Variants in MGST1 observed in about 807,000 individuals in gnomAD.
MGST1 encodes microsomal glutathione S-transferase 1.
MGST1 carries 5 observed loss-of-function variants against 8.9 expected under a neutral mutation model. The ratio of observed to expected loss-of-function variants is 0.56; its 90% CI spans 0.29 to 1.19. The LOEUF is 1.19. Ranked by LOEUF, MGST1 falls within the 50% of genes most tolerant of loss-of-function variation. The probability of loss-of-function intolerance (pLI) is 0.08; values close to 1 mark genes in which losing one functional copy is unlikely to be tolerated. For synonymous variants in MGST1, 54 were observed against 67.8 expected (o/e 0.80, Z 1.00); for missense variants, 182 against 187.4 (o/e 0.97, Z 0.17).
At chr12:16,551,602 T>C (rs1476464128) in intron 4 of MGST1, among the ~76,000 whole-genome samples, 1 of 151,808 alleles carries the variant, frequency 6.6e-6, no homozygotes, top group African/African-American at 2.4e-5. Context: ...GCTTTTTTTT[T>C]TTTTAAACCA....
At chr12:16,561,399 T>C (rs1372540326) in intron 4 of MGST1, among the ~76,000 whole-genome samples, 1 of 152,100 alleles carries the variant, frequency 6.6e-6, no homozygotes, top group Non-Finnish European at 1.5e-5. Context: ...AATGCACTTT[T>C]TTACTAGGAA....
chr12:16,402,422 G>A (rs922371153), intron 1 of MGST1: 16 of 1,603,782 alleles, frequency 1.0e-5, no homozygotes, highest in East Asian at 2.2e-5. Flanking sequence ...CACAGCCATA[G>A]CCCTGGACGC....
rs1402549408 is a variant in MGST1, at chr12:16,413,337, C to T, written n.779-24051C>T. Among the ~76,000 whole-genome samples, 1 of 152,214 alleles carries T rather than the reference C, an allele frequency of 6.6e-6. No individual in the cohort carries two copies. Among genetic ancestry groups the T allele is most frequent in the Non-Finnish European group, 1.5e-5 (1 of 68,040 alleles). ...GGGAGAGTCTTACAGACACAACTGC[C>T]TGCATGTCCATGAATCCTGCAGCAA... On this transcript the variant is annotated intron_variant and non_coding_transcript_variant, in intron 1 of 1. Transcript: ENST00000359720. The surrounding 1 kb of genome is among the most constrained non-coding windows in gnomAD (Gnocchi z 4.0).
intron 4 of MGST1, among the ~76,000 whole-genome samples, chr12:16,553,414 A>G (rs534798846): frequency 2.1e-4 from 32 of 152,280 alleles, no homozygotes; most frequent in African/African-American, 6.3e-4. Context: ...TTTCTTTTGC[A>G]TAACTTTAAA....
At chr12:16,543,959 CT>C (rs1941807044) in intron 4 of MGST1, among the ~76,000 whole-genome samples, 1 of 151,974 alleles carries the variant, frequency 6.6e-6, no homozygotes, top group Non-Finnish European at 1.5e-5. Context: ...TCTTCTGTTT[CT>C]TTATTGACAT....
chr12:16,401,112 C>T lies in MGST1; in HGVS notation n.778+17508C>T. ...CATCTTTCTCCTCCTCCTCCTTTTC[C>T]TCATCTTCGTTCCTTAGGAAAATAC... On this transcript the variant is annotated intron_variant and non_coding_transcript_variant, in intron 1 of 1. Coordinates refer to the MGST1 transcript ENST00000359720. This position sits in a 1 kb window ranked among gnomAD's most constrained non-coding sequence, Gnocchi z 4.3. 2 of 1,581,266 alleles carry T rather than the reference C, an allele frequency of 1.3e-6. No individual in the cohort carries two copies. Among genetic ancestry groups the T allele is most frequent in the South Asian group, 2.2e-5 (2 of 90,410 alleles).
chr12:16,583,567 A>G (rs1430195422), intron 4 of MGST1, among the ~76,000 whole-genome samples: 1 of 152,206 alleles, frequency 6.6e-6, no homozygotes, highest in Non-Finnish European at 1.5e-5. Flanking sequence ...ATTCCCATAG[A>G]TGGGATAAAA....
chr12:16,472,559 A>G (rs1391089025), intron 4 of MGST1, among the ~76,000 whole-genome samples: 1 of 152,072 alleles, frequency 6.6e-6, no homozygotes. Context: ...ATGGTATCAC[A>G]TGACATTTCC....
At chr12:16,480,055 G>A (rs1018520411) in intron 4 of MGST1, among the ~76,000 whole-genome samples, 3 of 151,930 alleles carry the variant, frequency 2.0e-5, no homozygotes, top group African/African-American at 7.3e-5. Context: ...GGGTTAGGCA[G>A]TGATCCTTTG....
intron 4 of MGST1, among the ~76,000 whole-genome samples, chr12:16,502,364 G>C (rs985678119): frequency 1.3e-5 from 2 of 152,124 alleles, no homozygotes; most frequent in South Asian, 4.1e-4. Flanking sequence ...ATAAATAGGT[G>C]CAATTGTGTG....
intron 1 of MGST1, chr12:16,399,850 G>T (rs1165233232): frequency 1.6e-6 from 2 of 1,226,716 alleles, no homozygotes; most frequent in Non-Finnish European, 2.4e-6. Context: ...AGTCCTTGTA[G>T]ACAATTACCA....
intron 4 of MGST1, chr12:16,551,404 A>AT: frequency 1.1e-6 from 1 of 889,966 alleles, no homozygotes; most frequent in South Asian, 1.4e-5. Flanking sequence ...TTATTTTCCT[A>AT]TTAATAGTTT....
chr12:16,533,824 G>C (rs946231852), intron 4 of MGST1, among the ~76,000 whole-genome samples: 9 of 152,144 alleles, frequency 5.9e-5, no homozygotes, highest in Admixed American at 6.5e-5. Flanking sequence ...TTGCAGGTTA[G>C]AGAAGCTTTC....
At position 16,383,784 on chromosome 12, in the gene MGST1, T is replaced by G. The variant is rs538930355; in HGVS notation, n.778+180T>G. ...ACCTGAGTTTCTTTCTTAAAGTTTG[T>G]GTTAAGATGTTGCCATGTGGGGACA... On this transcript the variant is annotated intron_variant and non_coding_transcript_variant, in intron 1 of 1. Transcript: ENST00000359720. Among the ~76,000 whole-genome samples, 31 of 152,332 alleles carry G rather than the reference T, an allele frequency of 2.0e-4. 1 individual carries two copies. Among genetic ancestry groups the G allele is most frequent in the African/African-American group, 7.2e-4 (30 of 41,586 alleles).
rs1941844570 is a variant in MGST1, at chr12:16,547,830, C to G, written n.483-41698C>G. Among the ~76,000 whole-genome samples the G allele has an allele frequency of 6.6e-6, 1 of 152,158 alleles. No homozygotes were observed. Among genetic ancestry groups the G allele is most frequent in the South Asian group, 2.1e-4 (1 of 4,830 alleles). ...TTTTTGCAACTTACTGAAGTGAACA[C>G]TAAACATGTTTGGCCTACATAATTT... On this transcript the variant is annotated intron_variant and non_coding_transcript_variant, in intron 4 of 4. Coordinates refer to the MGST1 transcript ENST00000538857. This position sits in a 1 kb window ranked among gnomAD's most constrained non-coding sequence, Gnocchi z 4.6.
intron 4 of MGST1, among the ~76,000 whole-genome samples, chr12:16,485,311 C>G (rs186114704): frequency 6.6e-6 from 1 of 152,128 alleles, no homozygotes; most frequent in East Asian, 1.9e-4. Flanking sequence ...GTGTAACGTT[C>G]GGTGTAATAG....
chr12:16,570,848 G>T lies in MGST1; in HGVS notation n.483-18680G>T, dbSNP rs373883855. The stretch of plus-strand genomic sequence containing the variant: ...AGGTATTATTTAATTCTTGCAGCTA[G>T]CCAGTAAATTTTCAGATGATCAAAC... On this transcript the variant is annotated intron_variant and non_coding_transcript_variant, in intron 4 of 4. Coordinates refer to the MGST1 transcript ENST00000538857. 3.9e-5 allele frequency among the ~76,000 whole-genome samples: 6 copies of T among 152,054 alleles called. No homozygotes were observed. In the South Asian group the frequency reaches 6.2e-4, roughly 16 times the overall value.
rs777876717 is a variant in MGST1, at chr12:16,364,048, T to A, written c.*7T>A. ...AAGTAAATTGTACCTGTAAAGAAAA[T>A]CATACAACTCAGCATCCAGTTGGCT... On this transcript the variant is annotated 3_prime_UTR_variant, in exon 4 of 4. Transcript: ENST00000396210. This position sits in a 1 kb window ranked among gnomAD's most constrained non-coding sequence, Gnocchi z 5.7. The A allele has an allele frequency of 3.1e-6, 5 of 1,593,418 alleles. No individual in the cohort carries two copies. The South Asian group carries it at 5.6e-5, about 18-fold the overall frequency.
chr12:16,360,961 C>T (rs1424561469), intron 3 of MGST1, among the ~76,000 whole-genome samples: 1 of 150,408 alleles, frequency 6.6e-6, no homozygotes, highest in Non-Finnish European at 1.5e-5. Context: ...GGTTCCTGAC[C>T]CTCAGGGGTT....
Sources: gnomAD v4.1 joint callset for allele counts (sites outside exome capture counted in the v4.1 genomes callset) on GRCh38, gnomAD v4.1.1 for gene constraint, Gnocchi (gnomAD v3.1) non-coding constraint, MANE v1.5 for transcripts, NCBI Gene and HGNC (gene_info 2026-07-23, HGNC 2026-07-21) for gene names.